CTBP2: variants seen among roughly 807,000 people sequenced by gnomAD.
The protein encoded by CTBP2 is C-terminal-binding protein 2.
In CTBP2, 30 loss-of-function variants were observed where a neutral mutation model predicts 80.3. The observed-to-expected ratio is 0.37, with a 90% CI of 0.28 to 0.51. The LOEUF (loss-of-function observed/expected upper bound fraction) is 0.51. Among genes scored for constraint, CTBP2 ranks in the 20% least tolerant of loss-of-function variants. The probability of loss-of-function intolerance (pLI) is 0.93; values close to 1 mark genes in which losing one functional copy is unlikely to be tolerated. For missense variants in CTBP2, 1,212 were observed against 1,375.3 expected (o/e 0.88, Z 1.88); for synonymous variants, 594 against 587.4 (o/e 1.01, Z -0.16).
chr10:125,110,632 T>C (rs1326437667), intron 2 of CTBP2, among the ~76,000 whole-genome samples: 1 of 152,226 alleles, frequency 6.6e-6, no homozygotes, highest in African/African-American at 2.4e-5. Flanking sequence ...GTTTCTCTAA[T>C]TCATTTTTAT....
At chr10:125,117,792 G>A (rs555739595) in intron 1 of CTBP2, among the ~76,000 whole-genome samples, 7 of 152,098 alleles carry the variant, frequency 4.6e-5, no homozygotes, top group Admixed American at 1.3e-4. Context: ...TTTATTCAGG[G>A]AAGGAAAAAA....
At chr10:125,159,718 C>G (rs945961801) in intron 1 of CTBP2, 3 of 149,508 alleles carry the variant, frequency 2.0e-5, no homozygotes, top group East Asian at 3.9e-4. Context: ...GCGCCCCCCC[C>G]ACCCTCGCCT....
At chr10:125,137,067 T>C (rs930033526) in intron 1 of CTBP2, among the ~76,000 whole-genome samples, 2 of 152,254 alleles carry the variant, frequency 1.3e-5, no homozygotes, top group Admixed American at 6.5e-5. Context: ...TATTCCTGCT[T>C]GTTCTTTACC....
chr10:125,050,284 T>C lies in CTBP2; in HGVS notation c.-101-11129A>G, dbSNP rs148032534. Among the ~76,000 whole-genome samples, 5 of 152,262 alleles carry C rather than the reference T, an allele frequency of 3.3e-5. No homozygotes were observed. In the South Asian group the frequency reaches 6.2e-4, roughly 19 times the overall value. On this transcript the variant is annotated intron_variant, in intron 2 of 10. Coordinates refer to the CTBP2 transcript ENST00000337195. The stretch of plus-strand genomic sequence containing the variant: ...GGAAATGATATGTAGAAATCAGACA[T>C]CCCTAACTCCAGAAAATCTCTAGAT...
chr10:125,124,229 T>C (rs1854829381), intron 1 of CTBP2, among the ~76,000 whole-genome samples: 1 of 152,186 alleles, frequency 6.6e-6, no homozygotes, highest in South Asian at 2.1e-4. Context: ...CACCAGCCTT[T>C]TGTATCACCC....
Position 124,989,485 on chromosome 10 carries a change from T to A in CTBP2, c.*33A>T, listed in dbSNP as rs1315602522. The A allele has an allele frequency of 1.1e-5, 17 of 1,590,466 alleles. No homozygotes were observed. The highest frequency in any genetic ancestry group is 1.4e-5 in the Non-Finnish European group (16 of 1,160,358). ...TTTTTCACTGTCTCTTGGTCCCAAG[T>A]GTATCTGAGTGATTACCTTCTGGCA... On this transcript the variant is annotated 3_prime_UTR_variant, in exon 9 of 9. Coordinates refer to ENST00000309035, the MANE Select transcript of CTBP2 (RefSeq NM_022802.3).
chr10:125,003,080 T>C lies in CTBP2; in HGVS notation c.1858A>G (p.Met620Val). ...GTGAGGGTGATGGTGTGGTACATCA[T>C]GGCGCCCACGGCTTCGTTTAGAACC... The change falls in exon 3 of 9, where the codon ATG becomes GTG. Residue 620 changes from methionine to valine, a missense_variant. By Grantham distance (21) the Met-to-Val change is conservative. This residue lies in a region of CTBP2 where 335 missense variants were observed against 504.7 expected (regional missense o/e 0.66). Coordinates refer to ENST00000309035, the MANE Select transcript of CTBP2 (RefSeq NM_022802.3). The C allele has an allele frequency of 6.2e-7, 1 of 1,614,038 alleles. No homozygotes were observed.
chr10:124,984,709 C>A lies in CTBP2; in HGVS notation c.*4809G>T. 1 of 1,519,670 alleles carries A rather than the reference C, an allele frequency of 6.6e-7. No individual in the cohort carries two copies. The highest frequency in any genetic ancestry group is 9.0e-7 in the Non-Finnish European group (1 of 1,116,104). The allele number at this position is 1,519,670 out of a possible 1,614,324, so 94.1% of individuals were successfully genotyped here. On this transcript the variant is annotated 3_prime_UTR_variant, in exon 9 of 9. Coordinates refer to ENST00000309035, the MANE Select transcript of CTBP2 (RefSeq NM_022802.3). Reference sequence around the variant, plus strand: ...GCATACCAGCTGTAGGTTTCCATGTCACATTCCTACCAAGTCTCTGATCTG... The same window carrying A: ...GCATACCAGCTGTAGGTTTCCATGTAACATTCCTACCAAGTCTCTGATCTG...
At chr10:125,152,357 G>A (rs966195035) in intron 1 of CTBP2, among the ~76,000 whole-genome samples, 5 of 152,168 alleles carry the variant, frequency 3.3e-5, no homozygotes, top group Non-Finnish European at 5.9e-5. Context: ...CAGGTGTGGC[G>A]GACTGGCGCT....
chr10:125,144,571 T>C (rs982221415), intron 1 of CTBP2, among the ~76,000 whole-genome samples: 3 of 152,158 alleles, frequency 2.0e-5, no homozygotes, highest in African/African-American at 7.2e-5. Context: ...CACTCTCAGT[T>C]CTAAAACAGC....
intron 1 of CTBP2, among the ~76,000 whole-genome samples, chr10:125,147,882 G>A (rs750691500): frequency 6.6e-6 from 1 of 151,936 alleles, no homozygotes; most frequent in Non-Finnish European, 1.5e-5. Context: ...TCGGCGACAC[G>A]GTGAAACCCC....
chr10:125,112,864 T>C (rs1039259870), intron 1 of CTBP2, among the ~76,000 whole-genome samples: 3 of 152,198 alleles, frequency 2.0e-5, no homozygotes, highest in Admixed American at 6.5e-5. Context: ...TTTTCCTGCA[T>C]GATTATGTAG....
At chr10:125,033,950 A>G (rs1958548042) in intron 3 of CTBP2, among the ~76,000 whole-genome samples, 1 of 152,180 alleles carries the variant, frequency 6.6e-6, no homozygotes, top group Non-Finnish European at 1.5e-5. Context: ...CCGCAGCTGC[A>G]GAACCAAACT....
intron 1 of CTBP2, among the ~76,000 whole-genome samples, chr10:125,013,433 T>C (rs1176366635): frequency 1.3e-5 from 2 of 152,194 alleles, no homozygotes; most frequent in African/African-American, 4.8e-5. Flanking sequence ...GCCGTCAGCC[T>C]CTTTTACTTA....
At position 125,112,573 on chromosome 10, in the gene CTBP2, C is replaced by T. The variant is rs146870645; in HGVS notation, c.-205-1480G>A. Among the ~76,000 whole-genome samples the T allele has an allele frequency of 5.8e-3, 876 of 152,168 alleles. 13 individuals are homozygous for T. The highest frequency in any genetic ancestry group is 0.02 in the African/African-American group (832 of 41,514). Reference sequence around the variant, plus strand: ...CCTCCCTAGTAGCTGGGATTACAGGCGCATGCCACCATGCCCGGATAATTT... The same window carrying T: ...CCTCCCTAGTAGCTGGGATTACAGGTGCATGCCACCATGCCCGGATAATTT... On this transcript the variant is annotated intron_variant, in intron 1 of 10. Transcript: ENST00000337195.
intron 2 of CTBP2, among the ~76,000 whole-genome samples, chr10:125,050,518 G>A (rs1465598305): frequency 6.6e-6 from 1 of 152,262 alleles, no homozygotes; most frequent in Non-Finnish European, 1.5e-5. Context: ...CCCAAAGGGA[G>A]AGCGGGCGTC....
Position 125,026,815 on chromosome 10 carries a change from A to C in CTBP2, c.945T>G (p.Phe315Leu), listed in dbSNP as rs1462818199. The change falls in exon 1 of 9, where the codon TTT (phenylalanine) becomes TTG (leucine). Residue 315 changes from phenylalanine (F) to leucine (L), a missense_variant. Around this residue, in one of 3 missense-constraint regions of CTBP2, gnomAD observed 848 missense variants for 782.3 expected, o/e 1.08. Coordinates refer to ENST00000309035, the MANE Select transcript of CTBP2 (RefSeq NM_022802.3). ...GGGTAGCCAGGACGGCCGGGGAGTC[A>C]AAGCCCTGCTGCAGTAGGGCTCCCA... The C allele has an allele frequency of 6.2e-7, 1 of 1,613,448 alleles. No individual in the cohort carries two copies. Among genetic ancestry groups the C allele is most frequent in the South Asian group, 1.1e-5 (1 of 91,090 alleles).
intron 1 of CTBP2, among the ~76,000 whole-genome samples, chr10:125,130,664 C>T: frequency 6.6e-6 from 1 of 152,164 alleles, no homozygotes; most frequent in East Asian, 1.9e-4. Context: ...TGCGTGGACA[C>T]TGGAAAAGGT....
At chr10:125,084,221 G>A (rs765939970) in intron 2 of CTBP2, among the ~76,000 whole-genome samples, 2 of 152,198 alleles carry the variant, frequency 1.3e-5, no homozygotes, top group African/African-American at 2.4e-5. Context: ...TCCCAAAGTC[G>A]TGGGATTACA....
Sources: allele counts gnomAD v4.1 joint callset (sites outside exome capture counted in the v4.1 genomes callset), GRCh38; gene constraint gnomAD v4.1.1; regional missense constraint gnomAD v4.1.1; transcripts MANE v1.5; gene names NCBI Gene and HGNC (gene_info 2026-07-23, HGNC 2026-07-21).